PLIN3: variants seen among roughly 807,000 people sequenced by gnomAD.
The protein encoded by PLIN3 is perilipin 3.
PLIN3 carries 30 observed loss-of-function variants against 35.9 expected under a neutral mutation model. The observed-to-expected ratio is 0.84, with a 90% CI of 0.62 to 1.13. The LOEUF (loss-of-function observed/expected upper bound fraction) is 1.13. PLIN3 is among the 50% of genes most tolerant of loss of function. The pLI is 0.00. For synonymous variants in PLIN3, 261 were observed against 262.5 expected (o/e 0.99, Z 0.06); for missense variants, 603 against 596.9 (o/e 1.01, Z -0.11).
At chr19:4,867,166 C>G (rs955005775) in intron 1 of PLIN3, 2 of 152,274 alleles carry the variant, frequency 1.3e-5, no homozygotes, top group Non-Finnish European at 1.5e-5. Context: ...GTGGCAAAAC[C>G]ATCTGTAGGG....
intron 5 of PLIN3, 96 bp from the exon 6 acceptor site, chr19:4,847,986 T>C (rs2030166125): frequency 2.3e-6 from 2 of 861,370 alleles, no homozygotes; most frequent in Non-Finnish European, 1.8e-6. Flanking sequence ...GTCCAGTTTA[T>C]TTATTTATTT....
chr19:4,866,987 T>A (rs1310244195), intron 1 of PLIN3: 2 of 152,458 alleles, frequency 1.3e-5, no homozygotes, highest in Non-Finnish European at 2.9e-5. Flanking sequence ...CAGGTCCCAC[T>A]GCCAGGCCTA....
At chr19:4,860,943 G>C (rs1427663949) in intron 2 of PLIN3, among the ~76,000 whole-genome samples, 1 of 152,072 alleles carries the variant, frequency 6.6e-6, no homozygotes, top group Non-Finnish European at 1.5e-5. Context: ...TGCACTCCAG[G>C]CTGGGCGACA....
intron 4 of PLIN3, among the ~76,000 whole-genome samples, chr19:4,856,713 T>G (rs1001051917): frequency 6.6e-6 from 1 of 151,136 alleles, no homozygotes; most frequent in Non-Finnish European, 1.5e-5. Flanking sequence ...GTGTTTTTTT[T>G]TTTTTTTTTG....
At chr19:4,849,158 G>A (rs10419838) in intron 5 of PLIN3, among the ~76,000 whole-genome samples, 130,936 of 151,852 alleles carry the variant, frequency 0.86, 56,472 homozygotes, top group Admixed American at 0.91. Context: ...CTTTTTGTAG[G>A]AATGGGGTCT....
At chr19:4,855,705 G>A (rs1443292111) in intron 4 of PLIN3, among the ~76,000 whole-genome samples, 1 of 151,930 alleles carries the variant, frequency 6.6e-6, no homozygotes, top group African/African-American at 2.4e-5. Context: ...ACCGTGCCTG[G>A]CTAGCCTGGG....
At chr19:4,840,096 T>C (rs530555746) in intron 7 of PLIN3, among the ~76,000 whole-genome samples, 51 of 149,986 alleles carry the variant, frequency 3.4e-4, no homozygotes, top group South Asian at 1.3e-3. Flanking sequence ...GCCTCCCGAA[T>C]AGCTAGGACT....
At chr19:4,850,908 C>T (rs951663068) in intron 5 of PLIN3, among the ~76,000 whole-genome samples, 3 of 151,984 alleles carry the variant, frequency 2.0e-5, no homozygotes, top group East Asian at 1.9e-4. Flanking sequence ...TCCCAATCCC[C>T]GCACTTTGGG....
chr19:4,841,933 A>G (rs1599156884), intron 7 of PLIN3, among the ~76,000 whole-genome samples: 1 of 150,998 alleles, frequency 6.6e-6, no homozygotes, highest in African/African-American at 2.4e-5. Context: ...AAAAGAAAAA[A>G]AAAAGCTGTT....
intron 6 of PLIN3, 68 bp downstream of exon 6, chr19:4,847,623 G>T: frequency 7.4e-7 from 1 of 1,354,202 alleles, no homozygotes; most frequent in Non-Finnish European, 1.0e-6. Context: ...AAGCCACTGA[G>T]CTCTGGGTGG....
intron 5 of PLIN3, among the ~76,000 whole-genome samples, chr19:4,849,455 G>A (rs561186984): frequency 6.6e-5 from 10 of 151,946 alleles, no homozygotes; most frequent in South Asian, 2.1e-4. Flanking sequence ...GACTACAGGC[G>A]TGCACTAGCA....
Position 4,859,929 on chromosome 19 carries a change from C to A in PLIN3, c.162G>T (p.Pro54=), listed in dbSNP as rs774224377. The change falls in exon 3 of 8, where the codon CCG becomes CCT. Residue 54 remains proline (P), a synonymous_variant. Transcript: ENST00000221957. ...AAYASTKESY[P]HIKTVCDAAE... is the part of the protein sequence containing the mutation. Reference sequence around the variant, plus strand: ...CTGCGTCGCAGACAGTCTTGATGTGCGGGTAGCTCTCCTTGGTGGAGGCAT... The same window carrying A: ...CTGCGTCGCAGACAGTCTTGATGTGAGGGTAGCTCTCCTTGGTGGAGGCAT... 71 of 1,614,032 alleles carry A rather than the reference C, an allele frequency of 4.4e-5. No homozygotes were observed. Among genetic ancestry groups the A allele is most frequent in the South Asian group, 3.8e-4 (35 of 91,068 alleles).
intron 4 of PLIN3, among the ~76,000 whole-genome samples, chr19:4,858,509 C>G (rs1409952057): frequency 6.6e-6 from 1 of 150,730 alleles, no homozygotes; most frequent in Non-Finnish European, 1.5e-5. Flanking sequence ...TCCCGAGTAA[C>G]TAGGACTACA....
chr19:4,839,164 G>A lies in PLIN3; in HGVS notation c.*28C>T, dbSNP rs368144778. 1.5e-5 allele frequency: 24 copies of A among 1,548,688 alleles called. No homozygotes were observed. Among genetic ancestry groups the A allele is most frequent in the South Asian group, 1.4e-4 (12 of 85,140 alleles). On this transcript the variant is annotated 3_prime_UTR_variant, in exon 8 of 8. Coordinates refer to ENST00000221957, the MANE Select transcript of PLIN3 (RefSeq NM_005817.5). Reference sequence around the variant, plus strand: ...CAGAGCACAGCTGCATTATAGAGACGGGGCCCGCTGAGTCCTCTCCTCTCC... The same window carrying A: ...CAGAGCACAGCTGCATTATAGAGACAGGGCCCGCTGAGTCCTCTCCTCTCC...
chr19:4,860,501 C>T lies in PLIN3; in HGVS notation c.67-477G>A, dbSNP rs1599174727. Among the ~76,000 whole-genome samples the T allele has an allele frequency of 3.3e-5, 5 of 152,002 alleles. 1 individual carries two copies. Among genetic ancestry groups the T allele is most frequent in the Admixed American group, 3.3e-4 (5 of 15,242 alleles). On this transcript the variant is annotated intron_variant, in intron 2 of 7. Coordinates refer to ENST00000221957, the MANE Select transcript of PLIN3 (RefSeq NM_005817.5). ...TACAGGCGTGAGCCACCGCACTCAG[C>T]CCACGTGCTTCCTTGAACACAGGCT...
intron 2 of PLIN3, 106 bp downstream of exon 2, chr19:4,861,223 G>A: frequency 1.1e-6 from 1 of 917,030 alleles, no homozygotes; most frequent in Non-Finnish European, 1.8e-6. Flanking sequence ...GGCTCCGTGA[G>A]CTGCCGGCAG....
chr19:4,847,953 CAG>C, intron 5 of PLIN3, 63 bp from the exon 6 acceptor site: 1 of 1,122,778 alleles, frequency 8.9e-7, no homozygotes, highest in Non-Finnish European at 1.3e-6. Context: ...TCGTCCCATG[CAG>C]ACAGTCCCAA....
At position 4,839,294 on chromosome 19, in the gene PLIN3, C is replaced by T; in HGVS notation, c.1203G>A (p.Leu401=). The T allele has an allele frequency of 6.2e-7, 1 of 1,614,074 alleles. No individual in the cohort carries two copies. Among genetic ancestry groups the T allele is most frequent in the Non-Finnish European group, 8.5e-7 (1 of 1,180,020 alleles). The change falls in exon 8 of 8, where the codon CTG becomes CTA. Residue 401 remains leucine, a synonymous_variant. Transcript: ENST00000221957. ...GGGCCACATATTCCACCATGTGGTC[C>T]AGGGCCTCGCGGGCGCTGGCGACAC... ...RERVASAREA[L]DHMVEYVAQN...
chr19:4,856,296 C>T (rs1028654891), intron 4 of PLIN3, among the ~76,000 whole-genome samples: 4 of 152,064 alleles, frequency 2.6e-5, no homozygotes, highest in East Asian at 1.9e-4. Context: ...CGGTGGCTCA[C>T]ACCTGTAATC....
Sources: gnomAD v4.1 joint callset for allele counts (sites outside exome capture counted in the v4.1 genomes callset) on GRCh38, gnomAD v4.1.1 for gene constraint, MANE v1.5 for transcripts, NCBI Gene and HGNC (gene_info 2026-07-23, HGNC 2026-07-21) for gene names.